The following TNRC6B variants were observed in gnomAD, a reference collection of about 807,000 sequenced individuals.
TNRC6B encodes the protein trinucleotide repeat containing adaptor 6B.
Under a neutral mutation model 203.6 loss-of-function variants are expected in TNRC6B, and 52 were observed. The observed-to-expected ratio is 0.26, with a 90% CI of 0.20 to 0.32. The LOEUF (loss-of-function observed/expected upper bound fraction) is 0.32. TNRC6B is among the 10% of genes least tolerant of loss of function. The pLI is 1.00. For missense variants in TNRC6B, 1,923 were observed against 2,286.2 expected (o/e 0.84, Z 3.24); for synonymous variants, 838 against 845.7 (o/e 0.99, Z 0.16).
chr22:40,315,963 G>T lies in TNRC6B; in HGVS notation c.4925G>T (p.Gly1642Val). ...ATAGCCTCTACCTGGAGTGATGGTG[G>T]CTCAGTTCGTCCTAGTTACTGGCTG... Reference protein sequence around the residue: ...LASASTWSDGGSVRPSYWLVL... With the variant: ...LASASTWSDGVSVRPSYWLVL... The change falls in exon 21 of 23, where the codon GGC becomes GTC. Residue 1642 changes from glycine (G) to valine (V), a missense_variant. Around this residue, in one of 8 missense-constraint regions of TNRC6B, gnomAD observed 159 missense variants for 181.0 expected, o/e 0.88. Transcript: ENST00000454349. 1 of 1,613,794 alleles carries T rather than the reference G, an allele frequency of 6.2e-7. No individual in the cohort carries two copies. The highest frequency in any genetic ancestry group is 8.5e-7 in the Non-Finnish European group (1 of 1,179,802).
At chr22:40,249,038 C>T (rs2070147964) in intron 2 of TNRC6B, among the ~76,000 whole-genome samples, 2 of 152,138 alleles carry the variant, frequency 1.3e-5, no homozygotes, top group South Asian at 2.1e-4. Flanking sequence ...TCGTGGAGAA[C>T]GTGCCAGAGA....
chr22:40,132,948 A>ATAAAAAATAAAAAAAT (rs1393420363), intron 3 of TNRC6B, among the ~76,000 whole-genome samples: 2 of 90,316 alleles, frequency 2.2e-5, no homozygotes, highest in African/African-American at 4.6e-5. Context: ...TGTCTCAAAA[A>ATAAAAAATAAAAAAAT]AAAAAAAAAA....
intron 1 of TNRC6B, among the ~76,000 whole-genome samples, chr22:40,085,848 C>T (rs930471120): frequency 3.3e-5 from 5 of 149,282 alleles, no homozygotes; most frequent in South Asian, 2.2e-4. Context: ...TTTGTTGTTG[C>T]TGTTGTTGTT....
rs922077757 is a variant in TNRC6B at position 40,334,394 on chromosome 22, C to G, written c.*11153C>G. 3.3e-5 allele frequency: 5 copies of G among 152,532 alleles called. No individual in the cohort carries two copies. Among genetic ancestry groups the G allele is most frequent in the African/African-American group, 9.7e-5 (4 of 41,442 alleles). 9.4% of individuals were successfully genotyped at this position (152,532 alleles called of 1,614,324 possible). A position where few individuals can be genotyped will look rare whatever the true frequency, so the allele number is the denominator to read the frequency against. On this transcript the variant is annotated 3_prime_UTR_variant, in exon 23 of 23. Transcript: ENST00000454349. ...ACAGGTTTTAAAAAAACAAAAAACCCTTCTGGGAGGAAAAAAATAAAAAGC... is the reference window on the plus strand; with the variant it reads ...ACAGGTTTTAAAAAAACAAAAAACCGTTCTGGGAGGAAAAAAATAAAAAGC...
intron 1 of TNRC6B, among the ~76,000 whole-genome samples, chr22:40,089,228 T>C (rs1253077671): frequency 6.6e-6 from 1 of 152,146 alleles, no homozygotes; most frequent in Non-Finnish European, 1.5e-5. Flanking sequence ...GATTTCTTCA[T>C]AGACTTTTTT....
intron 1 of TNRC6B, among the ~76,000 whole-genome samples, chr22:40,067,762 C>T (rs2067908219): frequency 6.6e-6 from 1 of 152,098 alleles, no homozygotes; most frequent in Non-Finnish European, 1.5e-5. Context: ...AGGGTTTTTC[C>T]ATTCAGGCCC....
chr22:40,303,936 C>A (rs2071058232), intron 15 of TNRC6B, among the ~76,000 whole-genome samples: 1 of 152,202 alleles, frequency 6.6e-6, no homozygotes, highest in South Asian at 2.1e-4. Context: ...CCTTAGTTAG[C>A]ATTATTATAT....
chr22:40,148,910 G>A (rs910614886), intron 3 of TNRC6B, among the ~76,000 whole-genome samples: 2 of 152,262 alleles, frequency 1.3e-5, no homozygotes, highest in Non-Finnish European at 2.9e-5. Context: ...ACAGCTCTCA[G>A]AGGGAACCAA....
intron 15 of TNRC6B, chr22:40,301,585 TTGTGTG>T: frequency 2.0e-6 from 1 of 491,708 alleles, no homozygotes; most frequent in Non-Finnish European, 3.6e-6. Flanking sequence ...TTCCTTTTTT[TTGTGTG>T]TGTGTGTGTG....
intron 3 of TNRC6B, among the ~76,000 whole-genome samples, chr22:40,134,175 CTCTTAAAG>C (rs1192419298): frequency 6.6e-6 from 1 of 152,116 alleles, no homozygotes; most frequent in Non-Finnish European, 1.5e-5. Flanking sequence ...TAACTTTCCA[CTCTTAAAG>C]TGTGGATTCA....
At chr22:40,289,315 C>T (rs1001764772) in intron 12 of TNRC6B, among the ~76,000 whole-genome samples, 1 of 152,122 alleles carries the variant, frequency 6.6e-6, no homozygotes, top group Middle Eastern at 3.4e-3. Flanking sequence ...AGGGAGGGAA[C>T]AAACAAACAC....
intron 1 of TNRC6B, among the ~76,000 whole-genome samples, chr22:40,241,421 A>G (rs1185681052): frequency 6.6e-6 from 1 of 152,244 alleles, no homozygotes; most frequent in Non-Finnish European, 1.5e-5. Context: ...AGGTCTTTGC[A>G]GTCTCCTTTC....
At chr22:40,187,125 C>T (rs1309325153) in intron 1 of TNRC6B, among the ~76,000 whole-genome samples, 3 of 152,200 alleles carry the variant, frequency 2.0e-5, no homozygotes, top group African/African-American at 7.2e-5. Flanking sequence ...GCACTAGTCT[C>T]ATTGCAAGTG....
rs184000983 is a variant in TNRC6B, at chr22:40,053,691, G to A, written c.-121+8693G>A. On this transcript the variant is annotated intron_variant, in intron 1 of 23. Transcript: ENST00000301923. The stretch of plus-strand genomic sequence containing the variant: ...CCTAGGCACATACTGTACTGTGTCT[G>A]TCATATCGTAGACACTCAAATGTTT... 2.2e-3 allele frequency among the ~76,000 whole-genome samples: 341 copies of A among 152,274 alleles called. 4 individuals are homozygous for A. Among genetic ancestry groups the A allele is most frequent in the African/African-American group, 7.6e-3 (317 of 41,548 alleles).
intron 12 of TNRC6B, among the ~76,000 whole-genome samples, chr22:40,293,062 T>A (rs2146537186): frequency 6.6e-6 from 1 of 152,312 alleles, no homozygotes; most frequent in African/African-American, 2.4e-5. Flanking sequence ...CAGCTATGGT[T>A]CATATGATAT....
intron 1 of TNRC6B, among the ~76,000 whole-genome samples, chr22:40,079,244 A>G (rs1393106224): frequency 6.6e-6 from 1 of 152,134 alleles, no homozygotes; most frequent in Admixed American, 6.5e-5. Context: ...AGCTTTCATT[A>G]AAGGAAGATC....
chr22:40,076,969 G>A (rs1438150895), intron 1 of TNRC6B, among the ~76,000 whole-genome samples: 1 of 150,262 alleles, frequency 6.7e-6, no homozygotes, highest in Non-Finnish European at 1.5e-5. Flanking sequence ...AGACTAGTCT[G>A]AGCAAAGTAC....
intron 2 of TNRC6B, among the ~76,000 whole-genome samples, chr22:40,121,264 A>G (rs920561996): frequency 1.4e-5 from 2 of 144,280 alleles, no homozygotes; most frequent in Non-Finnish European, 3.0e-5. Flanking sequence ...CCTTCCTTGT[A>G]TAGCCAGAAA....
intron 1 of TNRC6B, among the ~76,000 whole-genome samples, chr22:40,239,847 CT>C (rs909776902): frequency 6.6e-6 from 1 of 151,618 alleles, no homozygotes; most frequent in East Asian, 1.9e-4. Flanking sequence ...GTTTTTCTTT[CT>C]TTTTTTTGAG....
Sources: allele counts gnomAD v4.1 joint callset (sites outside exome capture counted in the v4.1 genomes callset), GRCh38; gene constraint gnomAD v4.1.1; regional missense constraint gnomAD v4.1.1; transcripts MANE v1.5; gene names NCBI Gene and HGNC (gene_info 2026-07-23, HGNC 2026-07-21).